Variants in ARHGAP15 observed in about 807,000 individuals in gnomAD.
The protein encoded by ARHGAP15 is Rho GTPase activating protein 15, also known as rho GTPase-activating protein 15.
In ARHGAP15, 51 loss-of-function variants were observed where a neutral mutation model predicts 63.7. The observed-to-expected ratio is 0.80, with a 90% CI of 0.64 to 1.01. The LOEUF (loss-of-function observed/expected upper bound fraction) is 1.01, where lower values mean the gene tolerates loss of function less well. Among genes scored for constraint, ARHGAP15 ranks in the 50% least tolerant of loss-of-function variants. The probability of loss-of-function intolerance (pLI) is 0.00; values close to 1 mark genes in which losing one functional copy is unlikely to be tolerated. For missense variants in ARHGAP15, 560 were observed against 564.6 expected (o/e 0.99, Z 0.08); for synonymous variants, 191 against 193.8 (o/e 0.99, Z 0.12).
chr2:143,376,738 T>C (rs1237909342), intron 6 of ARHGAP15, among the ~76,000 whole-genome samples: 1 of 152,030 alleles, frequency 6.6e-6, no homozygotes, highest in East Asian at 1.9e-4. Flanking sequence ...ACTCCCACTT[T>C]CTTCTGGCTT....
intron 11 of ARHGAP15, among the ~76,000 whole-genome samples, chr2:143,614,799 A>G (rs1051514674): frequency 6.6e-6 from 1 of 152,220 alleles, no homozygotes; most frequent in Non-Finnish European, 1.5e-5. Context: ...GATTAGAAAC[A>G]TGGTAAGCAA....
At chr2:143,309,847 AAC>A (rs1281962660) in intron 6 of ARHGAP15, among the ~76,000 whole-genome samples, 1 of 146,206 alleles carries the variant, frequency 6.8e-6, no homozygotes, top group Non-Finnish European at 1.5e-5. Flanking sequence ...CCATTTGAGA[AAC>A]ACAGACATAT....
intron 11 of ARHGAP15, among the ~76,000 whole-genome samples, chr2:143,569,190 A>G (rs1006410819): frequency 6.6e-6 from 1 of 152,124 alleles, no homozygotes; most frequent in African/African-American, 2.4e-5. Flanking sequence ...AGCCTAAAAT[A>G]TTGGCCTAAA....
chr2:143,463,914 G>A (rs1023095867), intron 8 of ARHGAP15, among the ~76,000 whole-genome samples: 14 of 152,244 alleles, frequency 9.2e-5, no homozygotes, highest in Non-Finnish European at 1.8e-4. Context: ...TCACACAGCT[G>A]TCAAGTGGCT....
intron 11 of ARHGAP15, among the ~76,000 whole-genome samples, chr2:143,613,664 T>C (rs1459448043): frequency 6.6e-6 from 1 of 152,212 alleles, no homozygotes; most frequent in African/African-American, 2.4e-5. Flanking sequence ...CTCTGAACTC[T>C]AATCCTTTGT....
chr2:143,207,343 A>G (rs1692370960), intron 3 of ARHGAP15, among the ~76,000 whole-genome samples: 1 of 152,098 alleles, frequency 6.6e-6, no homozygotes, highest in Non-Finnish European at 1.5e-5. Flanking sequence ...GAAAAGTAAC[A>G]TCGAGAAGTC....
At chr2:143,238,398 A>G (rs1248812371) in intron 5 of ARHGAP15, 3 of 152,238 alleles carry the variant, frequency 2.0e-5, no homozygotes, top group South Asian at 2.1e-4. Context: ...ATGAACAGAT[A>G]CTTCTCAAAA....
intron 13 of ARHGAP15, among the ~76,000 whole-genome samples, chr2:143,763,738 G>GTATGTA (rs919576772): frequency 7.0e-6 from 1 of 143,590 alleles, no homozygotes; most frequent in Middle Eastern, 3.6e-3. Flanking sequence ...ATATGTATAT[G>GTATGTA]TATGTATATG....
intron 6 of ARHGAP15, among the ~76,000 whole-genome samples, chr2:143,390,698 G>GCA (rs1360749405): frequency 2.0e-5 from 3 of 150,032 alleles, no homozygotes; most frequent in Non-Finnish European, 3.0e-5. Context: ...CCCCCACCGT[G>GCA]GATATTTCCA....
At chr2:143,350,094 A>C (rs757886850) in intron 6 of ARHGAP15, among the ~76,000 whole-genome samples, 1 of 152,178 alleles carries the variant, frequency 6.6e-6, no homozygotes, top group Non-Finnish European at 1.5e-5. Context: ...ATACCCTAAA[A>C]ATGGAGAGAG....
intron 13 of ARHGAP15, among the ~76,000 whole-genome samples, chr2:143,764,796 T>G (rs1333935515): frequency 1.3e-5 from 2 of 152,226 alleles, no homozygotes; most frequent in Non-Finnish European, 2.9e-5. Flanking sequence ...CATAATTAAA[T>G]AGGTAACTCT....
intron 6 of ARHGAP15, 94 bp from the exon 7 acceptor site, chr2:143,435,507 T>G: frequency 7.3e-7 from 1 of 1,360,802 alleles, no homozygotes; most frequent in Non-Finnish European, 9.5e-7. Context: ...TTTATTAAAC[T>G]GTGTTTTTTA....
At chr2:143,197,191 A>G (rs1211278491) in intron 2 of ARHGAP15, among the ~76,000 whole-genome samples, 1 of 151,986 alleles carries the variant, frequency 6.6e-6, no homozygotes, top group Non-Finnish European at 1.5e-5. Context: ...AGATTTTATA[A>G]CACAAACAAA....
intron 2 of ARHGAP15, among the ~76,000 whole-genome samples, chr2:143,196,214 G>A (rs890313105): frequency 6.6e-6 from 1 of 152,040 alleles, no homozygotes; most frequent in Non-Finnish European, 1.5e-5. Flanking sequence ...GAAGTAGAAA[G>A]GGAGAGAGTG....
chr2:143,232,966 C>CT (rs1184547250), intron 5 of ARHGAP15, among the ~76,000 whole-genome samples: 1 of 152,092 alleles, frequency 6.6e-6, no homozygotes, highest in South Asian at 2.1e-4. Flanking sequence ...TATAGTTAGC[C>CT]TAGGGTTACA....
intron 2 of ARHGAP15, among the ~76,000 whole-genome samples, chr2:143,186,623 G>A (rs960819147): frequency 1.3e-5 from 2 of 152,024 alleles, no homozygotes; most frequent in Non-Finnish European, 2.9e-5. Flanking sequence ...TATTTTATCA[G>A]CCTTCACATT....
chr2:143,551,635 G>A (rs1297197682), intron 10 of ARHGAP15, among the ~76,000 whole-genome samples: 1 of 152,050 alleles, frequency 6.6e-6, no homozygotes, highest in Non-Finnish European at 1.5e-5. Flanking sequence ...AAGTCATATA[G>A]TTATCCTATA....
chr2:143,624,293 G>A, intron 12 of ARHGAP15, 26 bp downstream of exon 12: 2 of 1,591,946 alleles, frequency 1.3e-6, no homozygotes, highest in Non-Finnish European at 1.7e-6. Context: ...AAAAGGGCAG[G>A]TGGTAGAATA....
chr2:143,540,060 G>C (rs1173195839), intron 10 of ARHGAP15, among the ~76,000 whole-genome samples: 1 of 152,168 alleles, frequency 6.6e-6, no homozygotes, highest in Non-Finnish European at 1.5e-5. Context: ...GAATCTGGAT[G>C]CTCCTGTATT....
Sources: gnomAD v4.1 joint callset for allele counts (sites outside exome capture counted in the v4.1 genomes callset) on GRCh38, gnomAD v4.1.1 for gene constraint, MANE v1.5 for transcripts, NCBI Gene and HGNC (gene_info 2026-07-23, HGNC 2026-07-21) for gene names.